The following ERBB4 variants were observed in gnomAD, a reference collection of about 807,000 sequenced individuals.
ERBB4 encodes the protein erb-b2 receptor tyrosine kinase 4, also known as receptor tyrosine-protein kinase erbB-4.
Under a neutral mutation model 158.0 loss-of-function variants are expected in ERBB4, and 42 were observed. The ratio of observed to expected loss-of-function variants is 0.27; its 90% confidence interval spans 0.21 to 0.34. The LOEUF (loss-of-function observed/expected upper bound fraction) is 0.34. Ranked by LOEUF, ERBB4 falls within the 10% of genes least tolerant of loss-of-function variation. The probability of loss-of-function intolerance (pLI) is 1.00; values close to 1 mark genes in which losing one functional copy is unlikely to be tolerated. For synonymous variants in ERBB4, 583 were observed against 558.7 expected (o/e 1.04, Z -0.61); for missense variants, 1,333 against 1,624.1 (o/e 0.82, Z 3.08).
chr2:211,924,801 A>G (rs1327775680), intron 3 of ERBB4, among the ~76,000 whole-genome samples: 1 of 152,202 alleles, frequency 6.6e-6, no homozygotes, highest in East Asian at 1.9e-4. Context: ...TTTTAATATA[A>G]AGGAAGTGAA....
chr2:212,028,870 G>A (rs893721661), intron 2 of ERBB4, among the ~76,000 whole-genome samples: 1 of 152,068 alleles, frequency 6.6e-6, no homozygotes, highest in Non-Finnish European at 1.5e-5. Flanking sequence ...AAGTAAGTGG[G>A]CAGGAGAGGG....
At chr2:212,439,333 G>A (rs909370208) in intron 1 of ERBB4, among the ~76,000 whole-genome samples, 1 of 152,108 alleles carries the variant, frequency 6.6e-6, no homozygotes, top group Non-Finnish European at 1.5e-5. Context: ...GCAATAAAAT[G>A]TATCTCTAAC....
chr2:212,510,951 T>G (rs963120091), intron 1 of ERBB4, among the ~76,000 whole-genome samples: 1 of 152,076 alleles, frequency 6.6e-6, no homozygotes, highest in Non-Finnish European at 1.5e-5. Context: ...TTATAGCCAG[T>G]AAAATTATAA....
chr2:211,540,773 G>T (rs112951914), intron 20 of ERBB4, among the ~76,000 whole-genome samples: 1,629 of 151,880 alleles, frequency 0.011, 27 homozygotes, highest in African/African-American at 0.037. Context: ...CTCTCTAATG[G>T]TTATTCTTTT....
Position 212,149,112 on chromosome 2 carries a change from A to G in ERBB4, c.83-24209T>C, listed in dbSNP as rs189054811. On this transcript the variant is annotated intron_variant, in intron 1 of 27. Coordinates refer to ENST00000342788, the MANE Select transcript of ERBB4 (RefSeq NM_005235.3). ...GCACACCAGCATGGCACATGTATAC[A>G]TATGTAACTAACCTGCACAATGTGC... is the stretch of plus-strand genomic sequence containing the variant. Among the ~76,000 whole-genome samples the G allele has an allele frequency of 6.4e-3, 956 of 150,276 alleles. 4 individuals carry two copies. Among genetic ancestry groups the G allele is most frequent in the Middle Eastern group, 0.024 (7 of 294 alleles).
intron 3 of ERBB4, among the ~76,000 whole-genome samples, chr2:211,838,204 A>T (rs1487038845): frequency 6.6e-6 from 1 of 151,998 alleles, no homozygotes; most frequent in African/African-American, 2.4e-5. Context: ...TGAGTTTATG[A>T]AAGTCTGGTT....
intron 22 of ERBB4, among the ~76,000 whole-genome samples, chr2:211,427,941 G>GA (rs34071141): frequency 0.033 from 4,593 of 137,660 alleles, 207 homozygotes; most frequent in African/African-American, 0.11. Context: ...AATAAACCAG[G>GA]AAAAAAAAAA....
In ERBB4 at chr2:211,803,580, A is replaced by G. The variant is rs77033164; in HGVS notation, c.422-15421T>C. On this transcript the variant is annotated intron_variant, in intron 3 of 27. Transcript: ENST00000342788. The stretch of plus-strand genomic sequence containing the variant: ...CTGCTCAGCCCCAGAAGATGTTACT[A>G]AGAGACAATGTGAACTCAGGGTTGC... Among the ~76,000 whole-genome samples the G allele has an allele frequency of 4.8e-3, 727 of 152,320 alleles. 4 individuals are homozygous for G. Among genetic ancestry groups the G allele is most frequent in the Non-Finnish European group, 8.4e-3 (570 of 68,018 alleles).
chr2:211,977,580 G>A (rs547503527), intron 2 of ERBB4, among the ~76,000 whole-genome samples: 2 of 144,824 alleles, frequency 1.4e-5, no homozygotes, highest in South Asian at 2.3e-4. Flanking sequence ...GCTCATACCT[G>A]TAATCCTAGC....
intron 1 of ERBB4, among the ~76,000 whole-genome samples, chr2:212,522,367 G>T (rs1224347182): frequency 6.6e-6 from 1 of 151,966 alleles, no homozygotes; most frequent in Non-Finnish European, 1.5e-5. Context: ...CCAATGAAGA[G>T]TTAATGTGTG....
intron 1 of ERBB4, among the ~76,000 whole-genome samples, chr2:212,465,972 G>A (rs1353302916): frequency 1.3e-5 from 2 of 152,034 alleles, no homozygotes; most frequent in Non-Finnish European, 2.9e-5. Context: ...TGTTCTGACG[G>A]CAAATAATAA....
chr2:211,394,572 T>TTTTC (rs1203285558), intron 25 of ERBB4, among the ~76,000 whole-genome samples: 2 of 152,136 alleles, frequency 1.3e-5, no homozygotes, highest in South Asian at 4.1e-4. Context: ...GGTAGGCTCT[T>TTTTC]TTTCTTTCTT....
chr2:211,651,897 G>GA (rs1559382444), intron 16 of ERBB4, among the ~76,000 whole-genome samples: 1 of 152,076 alleles, frequency 6.6e-6, no homozygotes, highest in African/African-American at 2.4e-5. Flanking sequence ...AGAAGATAAG[G>GA]AAAAAACCCA....
intron 3 of ERBB4, among the ~76,000 whole-genome samples, chr2:211,867,048 AAAAGATCGTGTT>A (rs1195411355): frequency 7.3e-5 from 11 of 150,626 alleles, no homozygotes; most frequent in African/African-American, 2.7e-4. Context: ...AAAAAAAAAA[AAAAGATCGTGTT>A]CTTTCCAGAA....
chr2:211,903,272 C>T (rs986212227), intron 3 of ERBB4, among the ~76,000 whole-genome samples: 1 of 151,984 alleles, frequency 6.6e-6, no homozygotes, highest in Admixed American at 6.6e-5. Context: ...GTATTTACAT[C>T]TTAATTTTAT....
chr2:212,251,804 A>AT (rs1190478243), intron 1 of ERBB4, among the ~76,000 whole-genome samples: 7 of 150,960 alleles, frequency 4.6e-5, no homozygotes, highest in Admixed American at 3.9e-4. Flanking sequence ...TTGAAGATCC[A>AT]TTGCTGGCTG....
intron 2 of ERBB4, among the ~76,000 whole-genome samples, chr2:211,963,897 C>T (rs1179366737): frequency 6.6e-6 from 1 of 152,088 alleles, no homozygotes; most frequent in African/African-American, 2.4e-5. Context: ...CAACCTGTAC[C>T]CAGTAACCAA....
intron 5 of ERBB4, among the ~76,000 whole-genome samples, chr2:211,730,165 C>T (rs1173104787): frequency 6.6e-6 from 1 of 151,852 alleles, no homozygotes; most frequent in African/African-American, 2.4e-5. Flanking sequence ...GGCTTAATTA[C>T]TTCTTTCAAT....
intron 3 of ERBB4, among the ~76,000 whole-genome samples, chr2:211,885,413 T>A (rs2078772750): frequency 1.3e-5 from 2 of 152,042 alleles, no homozygotes; most frequent in African/African-American, 4.8e-5. Flanking sequence ...AGAAAAAGAA[T>A]AATGGAAGAT....
Sources: allele counts gnomAD v4.1 joint callset (sites outside exome capture counted in the v4.1 genomes callset), GRCh38; gene constraint gnomAD v4.1.1; transcripts MANE v1.5; gene names NCBI Gene and HGNC (gene_info 2026-07-23, HGNC 2026-07-21).